Variants in DNAH2 observed in about 807,000 individuals in gnomAD.
DNAH2 encodes the protein axonemal beta dynein heavy chain 2.
A neutral mutation model predicts 523.5 loss-of-function variants in DNAH2; 323 were observed. That is an observed-to-expected ratio of 0.62 (90% CI 0.56 to 0.68). DNAH2 has a LOEUF of 0.68. DNAH2 is among the 30% of genes least tolerant of loss of function. The pLI is 0.00. For missense variants in DNAH2, 4,907 were observed against 5,701.5 expected (o/e 0.86, Z 4.49); for synonymous variants, 2,093 against 2,177.4 (o/e 0.96, Z 1.08).
At chr17:7,723,801 TTGCTCTC>T (rs997169739) in intron 3 of DNAH2, 112 bp downstream of exon 3, 14 of 942,662 alleles carry the variant, frequency 1.5e-5, no homozygotes, top group Admixed American at 6.0e-5. Flanking sequence ...CTTCTTCTAC[TTGCTCTC>T]TGCTGTTAGC....
At chr17:7,794,747 A>G (rs1239144518) in intron 49 of DNAH2, among the ~76,000 whole-genome samples, 1 of 141,104 alleles carries the variant, frequency 7.1e-6, no homozygotes. Flanking sequence ...ATATGTTAAC[A>G]CTTCCTTTTT....
At chr17:7,818,136 G>C in intron 68 of DNAH2, 40 bp downstream of exon 68, 1 of 1,607,634 alleles carries the variant, frequency 6.2e-7, no homozygotes, top group Non-Finnish European at 8.5e-7. Context: ...TGGGATGCTA[G>C]GGAGGGAAGG....
At chr17:7,797,946 C>A in intron 53 of DNAH2, 117 bp downstream of exon 53, 1 of 1,455,752 alleles carries the variant, frequency 6.9e-7, no homozygotes, top group Non-Finnish European at 9.2e-7. Flanking sequence ...GCCTTTCTCC[C>A]TGGCCCCAGA....
At chr17:7,817,484 T>G (rs2151323304) in intron 65 of DNAH2, 69 bp downstream of exon 65, 1 of 1,613,354 alleles carries the variant, frequency 6.2e-7, no homozygotes, top group East Asian at 2.2e-5. Context: ...TTTGGGAATA[T>G]TAAGAGATAC....
chr17:7,795,052 A>G (rs1192165453), intron 49 of DNAH2, among the ~76,000 whole-genome samples: 1 of 151,892 alleles, frequency 6.6e-6, no homozygotes, highest in Non-Finnish European at 1.5e-5. Context: ...CCTGTCTATG[A>G]CATTTTATTG....
At chr17:7,732,401 C>T (rs1260028088) in intron 4 of DNAH2, among the ~76,000 whole-genome samples, 1 of 142,720 alleles carries the variant, frequency 7.0e-6, no homozygotes, top group Admixed American at 7.3e-5. Context: ...CACCATTGCA[C>T]TCCAGCCTGA....
intron 18 of DNAH2, among the ~76,000 whole-genome samples, chr17:7,762,492 C>A (rs1356476687): frequency 6.6e-6 from 1 of 151,994 alleles, no homozygotes; most frequent in Non-Finnish European, 1.5e-5. Context: ...CCCGCCACCA[C>A]GCCCAGCTAA....
At chr17:7,795,401 G>A (rs1381475593) in intron 49 of DNAH2, among the ~76,000 whole-genome samples, 1 of 151,818 alleles carries the variant, frequency 6.6e-6, no homozygotes, top group Non-Finnish European at 1.5e-5. Flanking sequence ...GGCCAGGCAC[G>A]GTGGCTCCCA....
At chr17:7,792,619 C>A (rs111273017) in intron 46 of DNAH2, 38 bp from the exon 47 acceptor site, 1 of 1,548,772 alleles carries the variant, frequency 6.5e-7, no homozygotes, top group East Asian at 2.3e-5. Context: ...AAGGAGTGGG[C>A]GGCTGGTCCT....
Position 7,821,256 on chromosome 17 carries a change from A to G in DNAH2, c.11029A>G (p.Thr3677Ala). Residue 3677 changes from threonine to alanine, a missense_variant, in exon 73 of 86, where the codon ACC becomes GCC. This residue lies in a region of DNAH2 where 1,851 missense variants were observed against 2,139.4 expected (regional missense o/e 0.87). Coordinates refer to ENST00000572933, the MANE Select transcript of DNAH2 (RefSeq NM_020877.5). This position sits in a 1 kb window ranked among gnomAD's most constrained non-coding sequence, Gnocchi z 5.0. ...CCTTTCTCCCAGGTACACCTGCCGT[A>G]CCCTTTTCGAACGCCACAAACTACT... ...TYAVYRYTCR[T>A]LFERHKLLFS... 6.2e-7 allele frequency: 1 copy of G among 1,613,416 alleles called. No homozygotes were observed. The highest frequency in any genetic ancestry group is 1.1e-5 in the South Asian group (1 of 90,976).
intron 71 of DNAH2, 23 bp downstream of exon 71, chr17:7,819,086 C>T: frequency 6.2e-7 from 1 of 1,600,654 alleles, no homozygotes; most frequent in African/African-American, 1.3e-5. Context: ...CCCTCCAGTC[C>T]TGCCTCCCAC....
In DNAH2 at chr17:7,786,312, C is replaced by T. The variant is rs150195626; in HGVS notation, c.6318C>T (p.Arg2106=). The T allele has an allele frequency of 2.1e-5, 34 of 1,613,422 alleles. No homozygotes were observed. The highest frequency in any genetic ancestry group is 1.7e-4 in the African/African-American group (13 of 75,014). The change falls in exon 40 of 86, where the codon CGC becomes CGT. Residue 2106 remains arginine (R), a synonymous_variant. Transcript: ENST00000572933. The surrounding 1 kb of genome is among the most constrained non-coding windows in gnomAD (Gnocchi z 7.5). ...ILQASLSSLC[R]AGDPNFNIVR... ...AGGCCTCCCTGTCCTCTCTGTGCCG[C>T]GCCGGAGACCCTAACTTCAACATTG...
chr17:7,732,937 G>A (rs1370450200), intron 4 of DNAH2, 150 bp from the exon 5 acceptor site: 8 of 703,446 alleles, frequency 1.1e-5, no homozygotes, highest in Non-Finnish European at 1.6e-5. Flanking sequence ...TCATATCCGT[G>A]AAAAGAACAG....
chr17:7,798,312 G>A lies in DNAH2; in HGVS notation c.8386G>A (p.Glu2796Lys). Residue 2796 changes from glutamate (E) to lysine (K), a missense_variant, in exon 54 of 86, where the codon GAG becomes AAG. Around this residue, in one of 3 missense-constraint regions of DNAH2, gnomAD observed 1,851 missense variants for 2,139.4 expected, o/e 0.87. Transcript: ENST00000572933. This position sits in a 1 kb window ranked among gnomAD's most constrained non-coding sequence, Gnocchi z 5.5. Reference protein sequence around the residue: ...IEVTKHYRKQEFRDDIKRLYR... With the variant: ...IEVTKHYRKQKFRDDIKRLYR... ...GGTCACCAAACATTATCGGAAGCAG[G>A]AGTTCCGAGATGGTACGGCTGGGTT... The A allele has an allele frequency of 6.2e-7, 1 of 1,610,526 alleles. No individual in the cohort carries two copies. The highest frequency in any genetic ancestry group is 8.5e-7 in the Non-Finnish European group (1 of 1,177,256).
intron 4 of DNAH2, among the ~76,000 whole-genome samples, chr17:7,732,175 T>A (rs1232708394): frequency 4.0e-5 from 6 of 149,434 alleles, no homozygotes; most frequent in Admixed American, 6.7e-5. Flanking sequence ...TGGCTCGCGC[T>A]TGTAATCCCA....
rs887719264 is a variant in DNAH2, at chr17:7,793,159, A to G, written c.7523A>G (p.Tyr2508Cys). The G allele has an allele frequency of 7.4e-6, 12 of 1,614,046 alleles. No individual in the cohort carries two copies. The highest frequency in any genetic ancestry group is 5.9e-6 in the Non-Finnish European group (7 of 1,180,034). The change falls in exon 48 of 86, where the codon TAT becomes TGT. Residue 2508 changes from tyrosine to cysteine, a missense_variant. Physicochemically the swap from Tyr to Cys is radical, Grantham distance 194 (BLOSUM62 -2). Around this residue, in one of 3 missense-constraint regions of DNAH2, gnomAD observed 250 missense variants for 371.3 expected, o/e 0.67. Coordinates refer to ENST00000572933, the MANE Select transcript of DNAH2 (RefSeq NM_020877.5). ...PLELIRLWID[Y>C]GFWYDRTKQT... ...GAGCTGATCCGCCTCTGGATTGACT[A>G]TGGCTTCTGGTATGACCGTACGAAG...
In DNAH2 at chr17:7,793,399, G is replaced by A. The variant is rs541572376; in HGVS notation, c.7569+194G>A. Among the ~76,000 whole-genome samples the A allele has an allele frequency of 1.9e-4, 29 of 152,122 alleles. No individual in the cohort carries two copies. In the South Asian group the frequency reaches 2.3e-3, roughly 12 times the overall value. On this transcript the variant is annotated intron_variant, in intron 48 of 85. Coordinates refer to ENST00000572933, the MANE Select transcript of DNAH2 (RefSeq NM_020877.5). ...ATCCTCCCTCAGTCCTGGCTCCTTC[G>A]TGGGATTCTGAGCATATTGTTTGCC... is the stretch of plus-strand genomic sequence containing the variant.
intron 11 of DNAH2, among the ~76,000 whole-genome samples, chr17:7,741,236 C>CTCTTTCTT (rs71387996): frequency 0.028 from 2,377 of 85,594 alleles, 173 homozygotes; most frequent in Non-Finnish European, 0.044. Flanking sequence ...TTTTCTCTCT[C>CTCTTTCTT]TCTTTCTTTC....
At chr17:7,796,732 A>T (rs1200229019) in intron 50 of DNAH2, 80 bp downstream of exon 50, 1 of 1,465,876 alleles carries the variant, frequency 6.8e-7, no homozygotes, top group East Asian at 2.3e-5. Flanking sequence ...AAGCCTTAAC[A>T]CTCACTAGCA....
Sources: gnomAD v4.1 joint callset for allele counts (sites outside exome capture counted in the v4.1 genomes callset) on GRCh38, gnomAD v4.1.1 for gene constraint, gnomAD v4.1.1 regional missense constraint, Gnocchi (gnomAD v3.1) non-coding constraint, MANE v1.5 for transcripts, NCBI Gene and HGNC (gene_info 2026-07-23, HGNC 2026-07-21) for gene names.